KATNIP: variants seen among roughly 807,000 people sequenced by gnomAD.
The protein encoded by KATNIP is katanin-interacting protein.
Under a neutral mutation model 174.0 loss-of-function variants are expected in KATNIP, and 126 were observed. The ratio of observed to expected loss-of-function variants is 0.72; its 90% CI spans 0.63 to 0.84. The LOEUF (loss-of-function observed/expected upper bound fraction) is 0.84, where lower values mean the gene tolerates loss of function less well. Ranked by LOEUF, KATNIP falls within the 40% of genes least tolerant of loss-of-function variation. The probability of loss-of-function intolerance (pLI) is 0.00; values close to 1 mark genes in which losing one functional copy is unlikely to be tolerated. For synonymous variants in KATNIP, 810 were observed against 835.7 expected (o/e 0.97, Z 0.53); for missense variants, 1,958 against 2,109.7 (o/e 0.93, Z 1.41).
At chr16:27,595,429 G>A (rs2075306367) in intron 2 of KATNIP, among the ~76,000 whole-genome samples, 1 of 152,200 alleles carries the variant, frequency 6.6e-6, no homozygotes, top group African/African-American at 2.4e-5. Flanking sequence ...GTGGACACAG[G>A]AGGATATACA....
At chr16:27,717,736 G>T (rs1428499221) in intron 13 of KATNIP, among the ~76,000 whole-genome samples, 1 of 152,208 alleles carries the variant, frequency 6.6e-6, no homozygotes, top group East Asian at 1.9e-4. Context: ...GCAGCACTGA[G>T]ATTTCTTTCC....
chr16:27,658,528 G>T (rs1397317859), intron 6 of KATNIP, among the ~76,000 whole-genome samples: 1 of 152,090 alleles, frequency 6.6e-6, no homozygotes, highest in Non-Finnish European at 1.5e-5. Context: ...TTTCTACATT[G>T]TACAAAGTTA....
At chr16:27,614,246 A>G (rs2075978917) in intron 2 of KATNIP, among the ~76,000 whole-genome samples, 1 of 151,566 alleles carries the variant, frequency 6.6e-6, no homozygotes, top group African/African-American at 2.4e-5. Flanking sequence ...GCTCACTGCA[A>G]CCTCCAACCC....
intron 14 of KATNIP, among the ~76,000 whole-genome samples, chr16:27,736,382 A>G (rs2080896514): frequency 6.6e-6 from 1 of 152,194 alleles, no homozygotes; most frequent in South Asian, 2.1e-4. Flanking sequence ...CCTAACTTTG[A>G]GTGGGAAAAA....
At chr16:27,561,148 A>C (rs2089864621) in intron 1 of KATNIP, among the ~76,000 whole-genome samples, 1 of 149,688 alleles carries the variant, frequency 6.7e-6, no homozygotes, top group Non-Finnish European at 1.5e-5. Context: ...AGTAGCTGGG[A>C]CTACAGGCGC....
intron 5 of KATNIP, among the ~76,000 whole-genome samples, chr16:27,639,727 T>G (rs2076739128): frequency 6.6e-6 from 1 of 152,344 alleles, no homozygotes; most frequent in South Asian, 2.1e-4. Flanking sequence ...GGGCCCTGTC[T>G]CTTGTTATCT....
chr16:27,750,600 T>G (rs1342020425), intron 16 of KATNIP, among the ~76,000 whole-genome samples: 1 of 150,374 alleles, frequency 6.7e-6, no homozygotes, highest in African/African-American at 2.4e-5. Context: ...TTTGTATTTT[T>G]TTTTTTTTTT....
intron 8 of KATNIP, among the ~76,000 whole-genome samples, chr16:27,696,622 G>T (rs567789442): frequency 6.6e-6 from 1 of 152,146 alleles, no homozygotes; most frequent in Non-Finnish European, 1.5e-5. Flanking sequence ...GTTTGCTCAG[G>T]ATAATGGCCT....
chr16:27,712,612 G>T (rs1191084491), intron 13 of KATNIP, among the ~76,000 whole-genome samples: 1 of 152,066 alleles, frequency 6.6e-6, no homozygotes, highest in Non-Finnish European at 1.5e-5. Context: ...ATGTGGGAGT[G>T]CCCCAGCCTC....
intron 14 of KATNIP, chr16:27,727,937 A>AATT (rs1364624726): frequency 6.6e-6 from 1 of 152,246 alleles, no homozygotes; most frequent in Non-Finnish European, 1.5e-5. Context: ...GGCCATAATT[A>AATT]ATTATCATGC....
In KATNIP at chr16:27,640,845, C is replaced by A. The variant is rs77084024; in HGVS notation, c.409-7759C>A. Among the ~76,000 whole-genome samples, 1,500 of 152,082 alleles carry A rather than the reference C, an allele frequency of 9.9e-3. 30 individuals carry two copies. The highest frequency in any genetic ancestry group is 0.034 in the African/African-American group (1,399 of 41,494). ...AAAGGGAAGACGGGAAAACCACAGA[C>A]GAGAGAGAGGCCGGGCGCGGAGGCT... is the stretch of plus-strand genomic sequence containing the variant. On this transcript the variant is annotated intron_variant, in intron 5 of 27. Transcript: ENST00000261588.
At chr16:27,662,015 T>TATAC (rs1491359939) in intron 6 of KATNIP, among the ~76,000 whole-genome samples, 1 of 33,494 alleles carries the variant, frequency 3.0e-5, no homozygotes, top group East Asian at 1.3e-3. Flanking sequence ...TATATATATA[T>TATAC]ACACATACAT....
chr16:27,634,863 G>T (rs2076589051), intron 5 of KATNIP, among the ~76,000 whole-genome samples: 1 of 152,214 alleles, frequency 6.6e-6, no homozygotes, highest in South Asian at 2.1e-4. Context: ...CAGAGAGAGA[G>T]ATTTAATTGT....
intron 23 of KATNIP, among the ~76,000 whole-genome samples, chr16:27,774,675 C>T (rs1327480990): frequency 1.3e-5 from 2 of 152,196 alleles, no homozygotes; most frequent in East Asian, 3.9e-4. Context: ...TCTGGCAGTT[C>T]CCTGCAACGT....
intron 7 of KATNIP, among the ~76,000 whole-genome samples, chr16:27,679,330 TCTC>T (rs1161125498): frequency 1.3e-5 from 2 of 152,176 alleles, no homozygotes; most frequent in African/African-American, 4.8e-5. Context: ...TGTGTCCTAA[TCTC>T]CTCTTCTTAG....
chr16:27,659,961 T>G (rs2077417811), intron 6 of KATNIP: 1 of 981,668 alleles, frequency 1.0e-6, no homozygotes, highest in Non-Finnish European at 1.2e-6. Context: ...CACTACCTAT[T>G]GTACAACACT....
intron 2 of KATNIP, among the ~76,000 whole-genome samples, chr16:27,607,594 CTTTTT>C (rs33954778): frequency 1.3e-5 from 1 of 78,898 alleles, no homozygotes; most frequent in African/African-American, 5.2e-5. Context: ...CAGTCAGTGT[CTTTTT>C]TTTTTTTTTT....
At chr16:27,593,172 G>A (rs1367138970) in intron 2 of KATNIP, among the ~76,000 whole-genome samples, 1 of 150,992 alleles carries the variant, frequency 6.6e-6, no homozygotes, top group Non-Finnish European at 1.5e-5. Context: ...TGACTCCTAA[G>A]TTCACTTACC....
intron 8 of KATNIP, among the ~76,000 whole-genome samples, chr16:27,697,203 T>C (rs2078944115): frequency 6.6e-6 from 1 of 152,236 alleles, no homozygotes; most frequent in African/African-American, 2.4e-5. Context: ...ATGGTAATTC[T>C]GTTTTTAGTT....
Sources: allele counts gnomAD v4.1 joint callset (sites outside exome capture counted in the v4.1 genomes callset), GRCh38; gene constraint gnomAD v4.1.1; transcripts MANE v1.5; gene names NCBI Gene and HGNC (gene_info 2026-07-23, HGNC 2026-07-21).